ENPP1: variants seen among roughly 807,000 people sequenced by gnomAD.
ENPP1 encodes ectonucleotide pyrophosphatase/phosphodiesterase 1, also known as ectonucleotide pyrophosphatase/phosphodiesterase family member 1.
In ENPP1, 73 loss-of-function variants were observed where a neutral mutation model predicts 122.8. The ratio of observed to expected loss-of-function variants is 0.59; its 90% CI spans 0.49 to 0.72. The LOEUF is 0.72. Ranked by LOEUF, ENPP1 falls within the 30% of genes least tolerant of loss-of-function variation. The pLI is 0.00. For synonymous variants in ENPP1, 367 were observed against 391.6 expected, an observed-to-expected ratio of 0.94 and a Z score of 0.74; for missense variants, 978 against 1,128.1, an observed-to-expected ratio of 0.87 and a Z score of 1.91.
Position 131,828,513 on chromosome 6 carries a change from A to G in ENPP1, c.241-19263A>G, listed in dbSNP as rs149379789. On this transcript the variant is annotated intron_variant, in intron 1 of 24. Transcript: ENST00000647893. ...CTATACCTTTTGAAGTTTCTTAGAC[A>G]TACCATCTCTGTGTTTGTCTTCATT... 2.4e-3 allele frequency: 461 copies of G among 192,578 alleles called. 3 individuals carry two copies. The highest frequency in any genetic ancestry group is 0.01 in the African/African-American group (437 of 42,172). 11.9% of individuals were successfully genotyped at this position (192,578 alleles called of 1,614,324 possible).
chr6:131,811,470 A>G (rs1195759913), intron 1 of ENPP1, among the ~76,000 whole-genome samples: 4 of 150,566 alleles, frequency 2.7e-5, no homozygotes, highest in Non-Finnish European at 5.9e-5. Flanking sequence ...AAGTTTGAGG[A>G]CTGCAACCCA....
At chr6:131,862,192 AAAC>A (rs1782033478) in intron 9 of ENPP1, among the ~76,000 whole-genome samples, 1 of 152,120 alleles carries the variant, frequency 6.6e-6, no homozygotes, top group African/African-American at 2.4e-5. Context: ...AAACAAAAAA[AAAC>A]AACAAACAAA....
Position 131,854,044 on chromosome 6 carries a change from A to T in ENPP1, c.618-882A>T, listed in dbSNP as rs562506455. 2.0e-5 allele frequency among the ~76,000 whole-genome samples: 3 copies of T among 152,270 alleles called. No individual in the cohort carries two copies. In the South Asian group the frequency reaches 6.2e-4, roughly 32 times the overall value. On this transcript the variant is annotated intron_variant, in intron 5 of 24. Transcript: ENST00000647893. ...ATTTCTTTGTTGTTTATATATTTAA[A>T]TATAGTATCTCTCAAACTTTTGTAT...
chr6:131,844,517 C>G (rs957660972), intron 1 of ENPP1, among the ~76,000 whole-genome samples: 4 of 152,110 alleles, frequency 2.6e-5, no homozygotes, highest in Non-Finnish European at 5.9e-5. Flanking sequence ...TGCTTTGCCT[C>G]TCAGAGGTAA....
intron 9 of ENPP1, among the ~76,000 whole-genome samples, chr6:131,862,117 C>T (rs929342329): frequency 1.3e-5 from 2 of 151,786 alleles, no homozygotes; most frequent in African/African-American, 2.4e-5. Flanking sequence ...TGCAGTGAGC[C>T]GAGATCACGT....
chr6:131,814,253 C>G (rs1164926417), intron 1 of ENPP1, among the ~76,000 whole-genome samples: 1 of 152,136 alleles, frequency 6.6e-6, no homozygotes, highest in Non-Finnish European at 1.5e-5. Flanking sequence ...TCACGACCTA[C>G]CTGGGCAACA....
At chr6:131,826,372 T>G (rs1312134496) in intron 1 of ENPP1, 1 of 1,078,606 alleles carries the variant, frequency 9.3e-7, no homozygotes, top group Admixed American at 1.8e-5. Context: ...TAGGAAAAGC[T>G]GCTAGGGCAG....
intron 9 of ENPP1, 101 bp downstream of exon 9, chr6:131,861,805 T>TGA: frequency 4.0e-6 from 3 of 741,276 alleles, no homozygotes; most frequent in Non-Finnish European, 4.8e-6. Context: ...TTGAGTGATA[T>TGA]GTTGGCTGAA....
At position 131,824,386 on chromosome 6, in the gene ENPP1, G is replaced by A. The variant is rs192935105; in HGVS notation, c.240+16111G>A. On this transcript the variant is annotated intron_variant, in intron 1 of 24. Transcript: ENST00000647893. ...CAGGATGGCTGGTGTGCAGCGCTGA[G>A]TGGAGTGTAATGGGGATGAGGTGGG... Among the ~76,000 whole-genome samples, 4 of 152,260 alleles carry A rather than the reference G, an allele frequency of 2.6e-5. No individual in the cohort carries two copies. The East Asian group carries it at 5.8e-4, about 22-fold the overall frequency.
At chr6:131,827,649 A>T in intron 1 of ENPP1, 1 of 618,678 alleles carries the variant, frequency 1.6e-6, no homozygotes, top group Non-Finnish European at 3.0e-6. Context: ...TCAGATACAC[A>T]CTATAAATGA....
At chr6:131,880,072 A>G in intron 20 of ENPP1, 38 bp downstream of exon 20, 1 of 1,586,800 alleles carries the variant, frequency 6.3e-7, no homozygotes, top group South Asian at 1.1e-5. Context: ...GGCCATTTCA[A>G]ATTAATGATT....
chr6:131,851,441 G>A (rs1157674508), intron 4 of ENPP1, 174 bp downstream of exon 4: 1 of 694,372 alleles, frequency 1.4e-6, no homozygotes, highest in East Asian at 2.8e-5. Flanking sequence ...CACATGGGGA[G>A]AGAGAGTATG....
At chr6:131,873,514 C>T (rs1782189028) in intron 15 of ENPP1, among the ~76,000 whole-genome samples, 1 of 152,084 alleles carries the variant, frequency 6.6e-6, no homozygotes, top group African/African-American at 2.4e-5. Flanking sequence ...CAAAGCCTAG[C>T]CAACAGTTGG....
chr6:131,814,946 A>G (rs1414918448), intron 1 of ENPP1, among the ~76,000 whole-genome samples: 1 of 152,136 alleles, frequency 6.6e-6, no homozygotes, highest in Non-Finnish European at 1.5e-5. Flanking sequence ...TTTTTGTTAG[A>G]CTGAGCCACA....
chr6:131,813,921 G>A (rs1781386506), intron 1 of ENPP1, among the ~76,000 whole-genome samples: 1 of 152,146 alleles, frequency 6.6e-6, no homozygotes, highest in Admixed American at 6.5e-5. Context: ...CAGGTGCATG[G>A]ATCTTTCCAT....
intron 19 of ENPP1, among the ~76,000 whole-genome samples, chr6:131,878,999 C>A (rs1172403412): frequency 6.6e-6 from 1 of 152,192 alleles, no homozygotes; most frequent in African/African-American, 2.4e-5. Flanking sequence ...ATTTCTGCAT[C>A]ACTTTTGACC....
At chr6:131,815,871 A>ATTTTTTTTTTTT (rs750091125) in intron 1 of ENPP1, among the ~76,000 whole-genome samples, 3 of 115,842 alleles carry the variant, frequency 2.6e-5, no homozygotes, top group African/African-American at 1.0e-4. Context: ...CACCTGGCTA[A>ATTTTTTTTTTTT]TTTTTTTTTT....
At chr6:131,859,389 T>C (rs963177440) in intron 7 of ENPP1, among the ~76,000 whole-genome samples, 2 of 152,110 alleles carry the variant, frequency 1.3e-5, no homozygotes, top group South Asian at 4.2e-4. Context: ...GCTACCTTTT[T>C]TTTTTTTGTT....
At chr6:131,847,490 C>A (rs1182608647) in intron 1 of ENPP1, among the ~76,000 whole-genome samples, 1 of 152,064 alleles carries the variant, frequency 6.6e-6, no homozygotes, top group Admixed American at 6.6e-5. Flanking sequence ...AAGAACAGCA[C>A]CAAAAAGTTT....
Sources: allele counts gnomAD v4.1 joint callset (sites outside exome capture counted in the v4.1 genomes callset), GRCh38; gene constraint gnomAD v4.1.1; transcripts MANE v1.5; gene names NCBI Gene and HGNC (gene_info 2026-07-23, HGNC 2026-07-21).